HIVEP2: variants seen among roughly 807,000 people sequenced by gnomAD.
HIVEP2 encodes HIVEP zinc finger 2, also known as transcription factor HIVEP2.
HIVEP2 carries 14 observed loss-of-function variants against 180.7 expected under a neutral mutation model. The ratio of observed to expected loss-of-function variants is 0.08; its 90% confidence interval spans 0.05 to 0.12. The LOEUF (loss-of-function observed/expected upper bound fraction) is 0.12, where lower values mean the gene tolerates loss of function less well. Among genes scored for constraint, HIVEP2 ranks in the 10% least tolerant of loss-of-function variants. The pLI, the probability that HIVEP2 is intolerant of heterozygous loss-of-function variation, is 1.00. For missense variants in HIVEP2, 2,579 were observed against 3,008.5 expected (o/e 0.86, Z 3.34); for synonymous variants, 1,184 against 1,136.4 (o/e 1.04, Z -0.84).
chr6:142,844,162 T>C (rs1444498772), intron 1 of HIVEP2, among the ~76,000 whole-genome samples: 1 of 152,168 alleles, frequency 6.6e-6, no homozygotes, highest in Non-Finnish European at 1.5e-5. Flanking sequence ...TTATACCTTA[T>C]GTGTTTTTTT....
chr6:142,818,773 GAAAGAAAGAAAGAAAGAAAA>G (rs1776937560), intron 2 of HIVEP2, among the ~76,000 whole-genome samples: 1 of 127,988 alleles, frequency 7.8e-6, no homozygotes, highest in Non-Finnish European at 1.7e-5. Flanking sequence ...AAGAAAGAAA[GAAAGAAAGAAAGAAAGAAAA>G]AGAAAAGAAA....
At chr6:142,779,021 T>C (rs1046101611) in intron 3 of HIVEP2, among the ~76,000 whole-genome samples, 1 of 152,184 alleles carries the variant, frequency 6.6e-6, no homozygotes, top group East Asian at 1.9e-4. Flanking sequence ...GTATATTAAG[T>C]ATTAATGAGA....
intron 1 of HIVEP2, among the ~76,000 whole-genome samples, chr6:142,931,885 T>G (rs527496185): frequency 6.6e-6 from 1 of 152,306 alleles, no homozygotes; most frequent in African/African-American, 2.4e-5. Flanking sequence ...TTAGACCATA[T>G]ATCCCTATCT....
At chr6:142,799,771 G>T (rs929897783) in intron 2 of HIVEP2, among the ~76,000 whole-genome samples, 1 of 152,130 alleles carries the variant, frequency 6.6e-6, no homozygotes, top group South Asian at 2.1e-4. Flanking sequence ...AACAGCAGGG[G>T]AGCCTCTGGG....
chr6:142,925,608 CATAA>C (rs1417174823), intron 1 of HIVEP2, among the ~76,000 whole-genome samples: 1 of 152,146 alleles, frequency 6.6e-6, no homozygotes, highest in East Asian at 1.9e-4. Context: ...TTCCTTATTG[CATAA>C]GTAAGCTGAA....
At chr6:142,830,060 A>G (rs1775034862) in intron 2 of HIVEP2, among the ~76,000 whole-genome samples, 1 of 152,210 alleles carries the variant, frequency 6.6e-6, no homozygotes, top group Non-Finnish European at 1.5e-5. Context: ...TCCTCAGTGG[A>G]TGGGGATGGG....
At chr6:142,854,167 A>G (rs1323443661) in intron 1 of HIVEP2, among the ~76,000 whole-genome samples, 1 of 152,176 alleles carries the variant, frequency 6.6e-6, no homozygotes, top group Non-Finnish European at 1.5e-5. Flanking sequence ...GTTCTCAATT[A>G]GGGTGATTCT....
Position 142,770,062 on chromosome 6 carries a change from A to G in HIVEP2, c.4677T>C (p.Pro1559=). ...APLPGQKSSG[P]SESKESSDEL... ...CATCTGAAGATTCTTTGCTTTCAGA[A>G]GGCCCACTGGACTTCTGCCCCGGAA... Residue 1559 remains proline, a synonymous_variant, in exon 5 of 10, where the codon CCT becomes CCC. Transcript: ENST00000367603. This position sits in a 1 kb window ranked among gnomAD's most constrained non-coding sequence, Gnocchi z 4.7. The G allele has an allele frequency of 6.2e-7, 1 of 1,614,202 alleles. No homozygotes were observed. Among genetic ancestry groups the G allele is most frequent in the Non-Finnish European group, 8.5e-7 (1 of 1,180,042 alleles).
chr6:142,838,701 A>T (rs1156657562), intron 1 of HIVEP2, among the ~76,000 whole-genome samples: 1 of 152,112 alleles, frequency 6.6e-6, no homozygotes. Flanking sequence ...TCCCTTCAAG[A>T]TGCAGGACAA....
chr6:142,895,756 G>C (rs1776971573), intron 1 of HIVEP2, among the ~76,000 whole-genome samples: 1 of 152,154 alleles, frequency 6.6e-6, no homozygotes, highest in African/African-American at 2.4e-5. Flanking sequence ...ATGTGTAGCA[G>C]CCAGGAAACA....
chr6:142,810,407 C>T (rs1474569285), intron 2 of HIVEP2, among the ~76,000 whole-genome samples: 3 of 152,026 alleles, frequency 2.0e-5, no homozygotes, highest in Non-Finnish European at 4.4e-5. Context: ...GTAAGAAACT[C>T]AATCCAACAG....
chr6:142,915,781 A>G (rs1777537402), intron 1 of HIVEP2, among the ~76,000 whole-genome samples: 2 of 151,972 alleles, frequency 1.3e-5, no homozygotes, highest in Non-Finnish European at 2.9e-5. Flanking sequence ...TACAACTCAG[A>G]CACCATCTAT....
intron 1 of HIVEP2, among the ~76,000 whole-genome samples, chr6:142,900,623 AAG>A (rs1469012349): frequency 1.3e-5 from 2 of 152,122 alleles, no homozygotes; most frequent in African/African-American, 4.8e-5. Context: ...ACATTCCAAG[AAG>A]AGAGAGGGAG....
intron 2 of HIVEP2, among the ~76,000 whole-genome samples, chr6:142,814,592 G>T (rs1472184837): frequency 1.2e-4 from 18 of 152,144 alleles, no homozygotes; most frequent in Admixed American, 1.2e-3. Flanking sequence ...GAGAAGGTGA[G>T]AAAGGAGTGA....
chr6:142,820,297 T>TTCTCTCTCTCTCTCTCTCTCTCTCTC (rs3057563), intron 2 of HIVEP2, among the ~76,000 whole-genome samples: 25 of 148,280 alleles, frequency 1.7e-4, no homozygotes, highest in Non-Finnish European at 3.4e-4. Context: ...TCGCTCTCTC[T>TTCTCTCTCTCTCTCTCTCTCTCTCTC]TCTCTCTCTC....
chr6:142,841,014 T>C (rs1775346265), intron 1 of HIVEP2, among the ~76,000 whole-genome samples: 1 of 152,114 alleles, frequency 6.6e-6, no homozygotes, highest in Non-Finnish European at 1.5e-5. Flanking sequence ...AAAATTATTT[T>C]ATTGTCTTTC....
intron 1 of HIVEP2, among the ~76,000 whole-genome samples, chr6:142,865,405 T>C (rs1365237828): frequency 1.3e-5 from 2 of 151,376 alleles, no homozygotes; most frequent in Non-Finnish European, 2.9e-5. Context: ...AGGGTTATGC[T>C]ACCAACTAGT....
chr6:142,866,987 G>A (rs990307096), intron 1 of HIVEP2, among the ~76,000 whole-genome samples: 1 of 152,162 alleles, frequency 6.6e-6, no homozygotes, highest in Admixed American at 6.5e-5. Flanking sequence ...GTTGACAAAG[G>A]GTAAGGATCC....
At chr6:142,797,254 A>T (rs962150244) in intron 2 of HIVEP2, among the ~76,000 whole-genome samples, 3 of 151,914 alleles carry the variant, frequency 2.0e-5, no homozygotes, top group Admixed American at 6.6e-5. Flanking sequence ...ATGAAAAATT[A>T]AAAAAAAATT....
Sources: gnomAD v4.1 joint callset for allele counts (sites outside exome capture counted in the v4.1 genomes callset) on GRCh38, gnomAD v4.1.1 for gene constraint, Gnocchi (gnomAD v3.1) non-coding constraint, MANE v1.5 for transcripts, NCBI Gene and HGNC (gene_info 2026-07-23, HGNC 2026-07-21) for gene names.